Variants in ROBO2 observed in about 807,000 individuals in gnomAD.
ROBO2 encodes roundabout homolog 2.
ROBO2 carries 53 observed loss-of-function variants against 160.8 expected under a neutral mutation model. The ratio of observed to expected loss-of-function variants is 0.33; its 90% CI spans 0.26 to 0.41. The LOEUF is 0.41. Among genes scored for constraint, ROBO2 ranks in the 10% least tolerant of loss-of-function variants. ROBO2 has a pLI of 1.00. For missense variants in ROBO2, 1,577 were observed against 1,722.4 expected (o/e 0.92, Z 1.49); for synonymous variants, 664 against 611.7 (o/e 1.09, Z -1.26).
intron 23 of ROBO2, among the ~76,000 whole-genome samples, chr3:77,627,211 C>T (rs754878882): frequency 7.9e-5 from 12 of 152,050 alleles, no homozygotes; most frequent in Non-Finnish European, 1.2e-4. Flanking sequence ...TATCAAGCAT[C>T]GTATGTCCTA....
At chr3:77,353,216 T>C (rs1402723364) in intron 2 of ROBO2, among the ~76,000 whole-genome samples, 1 of 152,226 alleles carries the variant, frequency 6.6e-6, no homozygotes, top group Non-Finnish European at 1.5e-5. Context: ...AAGCTGTACA[T>C]TGAACCAGAT....
intron 2 of ROBO2, among the ~76,000 whole-genome samples, chr3:76,340,017 C>A (rs945656046): frequency 6.6e-6 from 1 of 151,598 alleles, no homozygotes; most frequent in East Asian, 1.9e-4. Context: ...CACCAAAATT[C>A]CCCTGGTACC....
At chr3:76,442,669 G>A (rs150114064) in intron 2 of ROBO2, among the ~76,000 whole-genome samples, 2 of 152,238 alleles carry the variant, frequency 1.3e-5, no homozygotes, top group East Asian at 3.9e-4. Flanking sequence ...GCTCTTCTGA[G>A]TAGCATGATG....
intron 2 of ROBO2, among the ~76,000 whole-genome samples, chr3:76,265,429 T>C (rs1219267006): frequency 1.3e-5 from 2 of 152,186 alleles, no homozygotes; most frequent in Non-Finnish European, 2.9e-5. Context: ...GCTTGAGACA[T>C]TTATTAATTT....
At chr3:76,592,250 G>A (rs1414700816) in intron 2 of ROBO2, among the ~76,000 whole-genome samples, 1 of 152,066 alleles carries the variant, frequency 6.6e-6, no homozygotes, top group East Asian at 1.9e-4. Context: ...ACATGTACCA[G>A]TTTAGGGTTG....
At chr3:76,847,947 T>C (rs893120844) in intron 2 of ROBO2, among the ~76,000 whole-genome samples, 1 of 152,124 alleles carries the variant, frequency 6.6e-6, no homozygotes, top group African/African-American at 2.4e-5. Flanking sequence ...TTTATAATTA[T>C]TTCATTGATA....
intron 2 of ROBO2, among the ~76,000 whole-genome samples, chr3:77,294,479 G>C (rs926867124): frequency 6.9e-6 from 1 of 144,916 alleles, no homozygotes; most frequent in Admixed American, 6.9e-5. Flanking sequence ...AAACGGGTAA[G>C]CTGAGGCTAG....
At chr3:77,566,635 G>A (rs1015697491) in intron 12 of ROBO2, among the ~76,000 whole-genome samples, 7 of 151,994 alleles carry the variant, frequency 4.6e-5, no homozygotes, top group Admixed American at 4.6e-4. Context: ...TTGATCATTC[G>A]ATAACTATGC....
At chr3:76,636,593 G>T (rs2090345982) in intron 2 of ROBO2, among the ~76,000 whole-genome samples, 1 of 152,136 alleles carries the variant, frequency 6.6e-6, no homozygotes, top group African/African-American at 2.4e-5. Flanking sequence ...CAGAAACCCA[G>T]ATTCAAAGAC....
chr3:77,108,544 C>T (rs555507866), intron 2 of ROBO2, among the ~76,000 whole-genome samples: 34 of 152,042 alleles, frequency 2.2e-4, no homozygotes, highest in African/African-American at 7.0e-4. Context: ...AAGAGTAAAA[C>T]GGGTTAAAGA....
At chr3:77,137,249 A>G (rs992570437) in intron 2 of ROBO2, among the ~76,000 whole-genome samples, 2 of 152,044 alleles carry the variant, frequency 1.3e-5, no homozygotes, top group Admixed American at 6.6e-5. Flanking sequence ...TTTTTGAGAC[A>G]GGGTTTTGCT....
chr3:77,076,808 G>GT (rs1332826002), intron 1 of ROBO2, among the ~76,000 whole-genome samples: 7 of 152,056 alleles, frequency 4.6e-5, no homozygotes, highest in Non-Finnish European at 1.0e-4. Flanking sequence ...GTTTTCGTGT[G>GT]TTTTTTTAAA....
At chr3:77,615,067 C>G (rs1267366288) in intron 21 of ROBO2, among the ~76,000 whole-genome samples, 2 of 152,144 alleles carry the variant, frequency 1.3e-5, no homozygotes, top group Non-Finnish European at 2.9e-5. Flanking sequence ...TTTATGGCAT[C>G]TTGCATCACT....
At chr3:75,966,705 A>C (rs780354124) in intron 2 of ROBO2, among the ~76,000 whole-genome samples, 3 of 151,720 alleles carry the variant, frequency 2.0e-5, no homozygotes, top group African/African-American at 7.2e-5. Context: ...ATAGCTACAC[A>C]TAACAGGCAT....
chr3:76,676,574 C>T (rs1003362055), intron 2 of ROBO2, among the ~76,000 whole-genome samples: 15 of 151,924 alleles, frequency 9.9e-5, no homozygotes, highest in South Asian at 2.1e-4. Context: ...TTCTTTTTTG[C>T]GTGCACGTTT....
intron 22 of ROBO2, 146 bp downstream of exon 23, chr3:77,617,919 A>G (rs981701375): frequency 2.4e-6 from 2 of 846,448 alleles, no homozygotes; most frequent in Admixed American, 2.6e-5. Context: ...AGATAAATGT[A>G]TCCACTGAGA....
intron 2 of ROBO2, among the ~76,000 whole-genome samples, chr3:76,856,768 T>C (rs1416787970): frequency 6.6e-6 from 1 of 152,154 alleles, no homozygotes; most frequent in African/African-American, 2.4e-5. Flanking sequence ...GTATAATATA[T>C]ACAAAAGTCT....
intron 1 of ROBO2, among the ~76,000 whole-genome samples, chr3:77,093,576 C>G (rs1345134195): frequency 2.6e-5 from 4 of 152,076 alleles, no homozygotes; most frequent in Non-Finnish European, 5.9e-5. Context: ...ATACTCATTT[C>G]CACACACAGT....
intron 2 of ROBO2, among the ~76,000 whole-genome samples, chr3:77,412,230 A>G (rs1299544091): frequency 1.3e-5 from 2 of 152,218 alleles, no homozygotes; most frequent in African/African-American, 4.8e-5. Context: ...TGACAAAAGG[A>G]CAAAGCAGTC....
Sources: allele counts gnomAD v4.1 joint callset (sites outside exome capture counted in the v4.1 genomes callset), GRCh38; gene constraint gnomAD v4.1.1; transcripts MANE v1.5; gene names NCBI Gene and HGNC (gene_info 2026-07-23, HGNC 2026-07-21).